The following CHAT variants were observed in gnomAD, a reference collection of about 807,000 sequenced individuals.
CHAT encodes acetyl CoA:choline O-acetyltransferase.
In CHAT, 61 loss-of-function variants were observed where a neutral mutation model predicts 76.9. That is an observed-to-expected ratio of 0.79 (90% confidence interval 0.65 to 0.98). The LOEUF (loss-of-function observed/expected upper bound fraction) is 0.98. CHAT is among the 50% of genes least tolerant of loss of function. The pLI is 0.00. For missense variants in CHAT, 946 were observed against 986.9 expected (o/e 0.96, Z 0.56); for synonymous variants, 407 against 397.4 (o/e 1.02, Z -0.29).
At chr10:49,651,142 G>T (rs1048576809) in intron 10 of CHAT, among the ~76,000 whole-genome samples, 2 of 152,082 alleles carry the variant, frequency 1.3e-5, no homozygotes, top group Non-Finnish European at 2.9e-5. Flanking sequence ...AGATTTCCAG[G>T]TGGCTGTGGT....
chr10:49,618,281 A>G (rs1269205409), intron 2 of CHAT, among the ~76,000 whole-genome samples: 1 of 152,260 alleles, frequency 6.6e-6, no homozygotes, highest in Non-Finnish European at 1.5e-5. Context: ...ACTGACCAGG[A>G]GACAACAATA....
In CHAT at chr10:49,648,520, G is replaced by T; in HGVS notation, c.1295G>T (p.Arg432Leu). Residue 432 changes from arginine (R) to leucine (L), a missense_variant, in exon 9 of 15, where the codon CGA becomes CTA. Transcript: ENST00000337653. ...TTCCTGTTGCAGTTTGTGGTGGGCC[G>T]AGACGGCACCTGCGGTGTGGTGTGC... is the stretch of plus-strand genomic sequence containing the variant. ...YDKSLQFVVG[R>L]DGTCGVVCEH... 6.2e-7 allele frequency: 1 copy of T among 1,613,802 alleles called. No individual in the cohort carries two copies. Among genetic ancestry groups the T allele is most frequent in the Non-Finnish European group, 8.5e-7 (1 of 1,179,826 alleles).
At chr10:49,612,017 TCTC>T (rs775908558), upstream of CHAT, 1 of 1,613,760 alleles carries the variant, frequency 6.2e-7, no homozygotes, top group African/African-American at 1.3e-5. Context: ...ATCGCCGACA[TCTC>T]CTATTCGGTG....
upstream of CHAT, chr10:49,611,247 C>T (rs765165683): frequency 3.1e-6 from 5 of 1,613,414 alleles, no homozygotes; most frequent in African/African-American, 1.3e-5. Context: ...CAGTCCTGTT[C>T]GCCTTCGCCG....
chr10:49,637,790 G>A (rs1347510192), intron 7 of CHAT: 2 of 152,124 alleles, frequency 1.3e-5, no homozygotes, highest in African/African-American at 2.4e-5. Context: ...GTTTCCAAAT[G>A]TTTGGAACTT....
chr10:49,629,262 G>A (rs1272024233), intron 7 of CHAT, among the ~76,000 whole-genome samples: 1 of 152,196 alleles, frequency 6.6e-6, no homozygotes, highest in African/African-American at 2.4e-5. Flanking sequence ...AAAGAGTGAA[G>A]GGTGATTAAA....
intron 11 of CHAT, among the ~76,000 whole-genome samples, chr10:49,652,899 T>G (rs1457509775): frequency 2.0e-5 from 3 of 151,998 alleles, no homozygotes; most frequent in Non-Finnish European, 4.4e-5. Flanking sequence ...CAGCCCAGTT[T>G]CCATCCCTCG....
At chr10:49,613,483 G>A (rs112923566), upstream of CHAT, among the ~76,000 whole-genome samples, 2,107 of 152,306 alleles carry the variant, frequency 0.014, 59 homozygotes, top group African/African-American at 0.048. Context: ...GTAGTCTGAT[G>A]ATCGAGGCAG....
At chr10:49,660,311 G>A (rs1199352181) in intron 13 of CHAT, among the ~76,000 whole-genome samples, 1 of 152,024 alleles carries the variant, frequency 6.6e-6, no homozygotes, top group East Asian at 1.9e-4. Flanking sequence ...TGTGGTGGCG[G>A]GGTGCCCGTA....
At chr10:49,649,996 T>C (rs1839823921) in intron 10 of CHAT, among the ~76,000 whole-genome samples, 2 of 151,844 alleles carry the variant, frequency 1.3e-5, no homozygotes, top group South Asian at 2.1e-4. Context: ...ATTCAAGCTA[T>C]TTAAATTTGC....
At chr10:49,626,370 C>A (rs568054968) in intron 6 of CHAT, among the ~76,000 whole-genome samples, 1 of 152,344 alleles carries the variant, frequency 6.6e-6, no homozygotes, top group African/African-American at 2.4e-5. Context: ...TTTCCTCTGA[C>A]AAACAGTTTT....
chr10:49,660,074 T>G (rs1840145600), intron 13 of CHAT, among the ~76,000 whole-genome samples: 1 of 152,200 alleles, frequency 6.6e-6, no homozygotes, highest in African/African-American at 2.4e-5. Flanking sequence ...TTGATCAAAC[T>G]ACAAAGAGTT....
chr10:49,648,457 T>A, intron 8 of CHAT, 50 bp from the exon 9 acceptor site: 1 of 1,475,014 alleles, frequency 6.8e-7, no homozygotes, highest in South Asian at 1.2e-5. Context: ...AGGGGCTGCC[T>A]TGCAATGCTG....
intron 7 of CHAT, among the ~76,000 whole-genome samples, chr10:49,638,282 T>C (rs1243609861): frequency 6.6e-6 from 1 of 152,214 alleles, no homozygotes; most frequent in Non-Finnish European, 1.5e-5. Flanking sequence ...AATGTTTGCA[T>C]GCTATATATT....
chr10:49,622,023 G>T, intron 4 of CHAT, 74 bp from the exon 5 acceptor site: 2 of 1,521,068 alleles, frequency 1.3e-6, no homozygotes, highest in East Asian at 2.3e-5. Flanking sequence ...GGAGGGAGGG[G>T]AGGCAGAAGG....
At chr10:49,611,468 T>G, upstream of CHAT, 1 of 1,599,248 alleles carries the variant, frequency 6.3e-7, no homozygotes. Flanking sequence ...GGCAAGCGCG[T>G]GCCCTTCTTG....
intron 4 of CHAT, 94 bp downstream of exon 4, chr10:49,620,707 C>G (rs1838675452): frequency 9.8e-7 from 1 of 1,020,938 alleles, no homozygotes; most frequent in South Asian, 1.3e-5. Context: ...AAAGCTGGAG[C>G]CTCGGCTGAG....
Position 49,665,601 on chromosome 10 carries a change from C to T in CHAT, c.*555C>T, listed in dbSNP as rs1232171739. Reference sequence around the variant, plus strand: ...CGTACAGTCCTACAAGCACCCACTCCTCCCACACACACCACAGAGCCCAAG... The same window carrying T: ...CGTACAGTCCTACAAGCACCCACTCTTCCCACACACACCACAGAGCCCAAG... On this transcript the variant is annotated 3_prime_UTR_variant, in exon 15 of 15. Transcript: ENST00000337653. 6.6e-6 allele frequency among the ~76,000 whole-genome samples: 1 copy of T among 152,154 alleles called. No individual in the cohort carries two copies. Among genetic ancestry groups the T allele is most frequent in the Admixed American group, 6.5e-5 (1 of 15,288 alleles).
intron 14 of CHAT, among the ~76,000 whole-genome samples, chr10:49,664,197 C>A (rs1840281829): frequency 6.6e-6 from 1 of 152,138 alleles, no homozygotes; most frequent in Non-Finnish European, 1.5e-5. Context: ...ATTACAAAAT[C>A]TCAGCACTCT....
Sources: gnomAD v4.1 joint callset for allele counts (sites outside exome capture counted in the v4.1 genomes callset) on GRCh38, gnomAD v4.1.1 for gene constraint, MANE v1.5 for transcripts, NCBI Gene and HGNC (gene_info 2026-07-23, HGNC 2026-07-21) for gene names.